NWD2: variants seen among roughly 807,000 people sequenced by gnomAD.
The protein encoded by NWD2 is NACHT and WD repeat domain-containing protein 2.
In NWD2, 37 loss-of-function variants were observed where a neutral mutation model predicts 132.7. That is an observed-to-expected ratio of 0.28 (90% CI 0.21 to 0.37). NWD2 has a LOEUF of 0.37. Ranked by LOEUF, NWD2 falls within the 10% of genes least tolerant of loss-of-function variation. NWD2 has a pLI of 1.00. For synonymous variants in NWD2, 705 were observed against 803.0 expected (o/e 0.88, Z 2.06); for missense variants, 1,592 against 2,122.4 (o/e 0.75, Z 4.91).
Position 37,445,483 on chromosome 4 carries a change from T to G in NWD2, c.3495T>G (p.Ser1165Arg). The change falls in exon 7 of 7, where the codon AGT becomes AGG. Residue 1165 changes from serine (S) to arginine (R), a missense_variant. Around this residue, in one of 7 missense-constraint regions of NWD2, gnomAD observed 1,071 missense variants for 1,398.0 expected, o/e 0.77. Transcript: ENST00000309447. The surrounding 1 kb of genome is among the most constrained non-coding windows in gnomAD (Gnocchi z 4.7). ...QEMVMVDSEG[S>R]LSVWNTEDIS... is the part of the protein sequence containing the mutation. ...TGGTCATGGTAGACAGTGAAGGAAGTCTTTCTGTTTGGAATACTGAGGACA... is the reference window on the plus strand; with the variant it reads ...TGGTCATGGTAGACAGTGAAGGAAGGCTTTCTGTTTGGAATACTGAGGACA... 1 of 1,551,764 alleles carries G rather than the reference T, an allele frequency of 6.4e-7. No homozygotes were observed. Among genetic ancestry groups the G allele is most frequent in the Non-Finnish European group, 8.7e-7 (1 of 1,147,000 alleles).
Position 37,325,883 on chromosome 4 carries a change from G to A in NWD2, c.152-53G>A, listed in dbSNP as rs922634194. Reference sequence around the variant, plus strand: ...TTTTTAGGTTTTCATTTTTTTGCCAGAAACATATGTGTGGACATACTCACT... The same window carrying A: ...TTTTTAGGTTTTCATTTTTTTGCCAAAAACATATGTGTGGACATACTCACT... On this transcript the variant is annotated intron_variant, in intron 1 of 6. Coordinates refer to ENST00000309447, the MANE Select transcript of NWD2 (RefSeq NM_001144990.2). The A allele has an allele frequency of 2.5e-5, 28 of 1,100,046 alleles. No homozygotes were observed. The South Asian group carries it at 4.1e-4, about 16-fold the overall frequency. The allele number at this position is 1,100,046 out of a possible 1,614,324, so 68.1% of individuals were successfully genotyped here.
intron 1 of NWD2, among the ~76,000 whole-genome samples, chr4:37,296,494 G>A (rs1051529832): frequency 6.6e-6 from 1 of 152,224 alleles, no homozygotes; most frequent in African/African-American, 2.4e-5. Flanking sequence ...TATACACCAC[G>A]GAATACCACT....
At chr4:37,265,719 T>C (rs926022867) in intron 1 of NWD2, among the ~76,000 whole-genome samples, 71 of 152,186 alleles carry the variant, frequency 4.7e-4, no homozygotes, top group African/African-American at 1.6e-3. Context: ...CCTCCTCTTA[T>C]GCTGATCCTT....
At position 37,304,299 on chromosome 4, in the gene NWD2, A is replaced by G. The variant is rs117718492; in HGVS notation, c.152-21637A>G. ...CACCTTCCACAAGGCCCCTCCTCCA[A>G]TACTAGCAATTACAATTTGATATGA... is the stretch of plus-strand genomic sequence containing the variant. On this transcript the variant is annotated intron_variant, in intron 1 of 6. Transcript: ENST00000309447. Among the ~76,000 whole-genome samples the G allele has an allele frequency of 5.8e-4, 89 of 152,246 alleles. 2 individuals carry two copies. In the East Asian group the frequency reaches 0.016, roughly 27 times the overall value.
chr4:37,329,657 A>G (rs2109289488), intron 2 of NWD2, among the ~76,000 whole-genome samples: 1 of 152,318 alleles, frequency 6.6e-6, no homozygotes, highest in Non-Finnish European at 1.5e-5. Flanking sequence ...GTGTGAGTGA[A>G]GGAAATAATT....
intron 1 of NWD2, among the ~76,000 whole-genome samples, chr4:37,287,363 C>T (rs1718256449): frequency 6.6e-6 from 1 of 152,206 alleles, no homozygotes; most frequent in Non-Finnish European, 1.5e-5. Context: ...GCAGCCAGCA[C>T]TGGGACTCAT....
intron 3 of NWD2, among the ~76,000 whole-genome samples, chr4:37,400,009 A>G (rs1324566901): frequency 6.6e-6 from 1 of 152,188 alleles, no homozygotes; most frequent in African/African-American, 2.4e-5. Context: ...TATTTTCTAA[A>G]TCAGTAAGTA....
intron 3 of NWD2, among the ~76,000 whole-genome samples, chr4:37,376,046 A>G (rs1720343872): frequency 6.6e-6 from 1 of 152,170 alleles, no homozygotes; most frequent in African/African-American, 2.4e-5. Context: ...TTTTTTAGAC[A>G]TGAAGGTCAT....
rs1712705835 is a variant in NWD2 at position 37,448,636 on chromosome 4, A to G, written c.*1419A>G. 2 of 152,216 alleles carry G rather than the reference A, an allele frequency of 1.3e-5. No individual in the cohort carries two copies. Among genetic ancestry groups the G allele is most frequent in the Admixed American group, 6.5e-5 (1 of 15,288 alleles). The allele number at this position is 152,216 out of a possible 1,614,324, so 9.4% of individuals were successfully genotyped here. Reference sequence around the variant, plus strand: ...TAGTTTTCTTAGAAAGTAGAGAAGTAACACTTTACTAGAATAATGAACAAG... The same window carrying G: ...TAGTTTTCTTAGAAAGTAGAGAAGTGACACTTTACTAGAATAATGAACAAG... On this transcript the variant is annotated 3_prime_UTR_variant, in exon 7 of 7. Coordinates refer to ENST00000309447, the MANE Select transcript of NWD2 (RefSeq NM_001144990.2).
Position 37,356,354 on chromosome 4 carries a change from A to G in NWD2, c.241-12A>G, listed in dbSNP as rs567363588. 6 of 1,428,738 alleles carry G rather than the reference A, an allele frequency of 4.2e-6. No homozygotes were observed. The highest frequency in any genetic ancestry group is 2.5e-5 in the East Asian group (1 of 39,722). The allele number at this position is 1,428,738 out of a possible 1,614,324, so 88.5% of individuals were successfully genotyped here. On this transcript the variant is annotated splice_polypyrimidine_tract_variant and intron_variant, in intron 2 of 6. Coordinates refer to ENST00000309447, the MANE Select transcript of NWD2 (RefSeq NM_001144990.2). The stretch of plus-strand genomic sequence containing the variant: ...ACATGTAAACTAATGCTCTTCATCC[A>G]TCTGTCCCCAGGTCATAGATCTGTA...
intron 3 of NWD2, among the ~76,000 whole-genome samples, chr4:37,379,839 CA>C (rs1720417954): frequency 1.3e-5 from 2 of 152,156 alleles, no homozygotes; most frequent in Non-Finnish European, 2.9e-5. Flanking sequence ...ATTTCCATCC[CA>C]CCCGCAGAGG....
At chr4:37,406,050 A>G (rs1386483222) in intron 3 of NWD2, among the ~76,000 whole-genome samples, 1 of 140,768 alleles carries the variant, frequency 7.1e-6, no homozygotes, top group Non-Finnish European at 1.6e-5. Context: ...AATTCTCTGA[A>G]GATTTTTTAA....
chr4:37,255,281 T>C (rs186652186), intron 1 of NWD2, among the ~76,000 whole-genome samples: 1 of 152,306 alleles, frequency 6.6e-6, no homozygotes, highest in African/African-American at 2.4e-5. Context: ...GATATCCCGG[T>C]GTGGCATGAG....
At chr4:37,277,708 A>G (rs1294115867) in intron 1 of NWD2, among the ~76,000 whole-genome samples, 3 of 152,094 alleles carry the variant, frequency 2.0e-5, no homozygotes, top group Non-Finnish European at 4.4e-5. Flanking sequence ...TATCAGGGAT[A>G]TTAGAGACAG....
chr4:37,277,684 T>C (rs1213643162), intron 1 of NWD2, among the ~76,000 whole-genome samples: 6 of 152,100 alleles, frequency 3.9e-5, no homozygotes, highest in Non-Finnish European at 8.8e-5. Context: ...TAACAACTTC[T>C]TTCAAGTCTT....
chr4:37,397,012 G>A (rs1158492791), intron 3 of NWD2, among the ~76,000 whole-genome samples: 1 of 142,222 alleles, frequency 7.0e-6, no homozygotes, highest in Non-Finnish European at 1.5e-5. Context: ...CAGCCTGGGT[G>A]ACAAGAGTGA....
intron 2 of NWD2, among the ~76,000 whole-genome samples, chr4:37,344,193 G>T (rs1719585476): frequency 6.6e-6 from 1 of 152,136 alleles, no homozygotes; most frequent in Non-Finnish European, 1.5e-5. Context: ...ATCTTGTCTT[G>T]TTGAGCACTT....
intron 2 of NWD2, among the ~76,000 whole-genome samples, chr4:37,347,133 T>C (rs1394144718): frequency 2.0e-5 from 3 of 152,130 alleles, no homozygotes; most frequent in African/African-American, 7.2e-5. Context: ...TAAATTTTTT[T>C]GTATGATTGA....
intron 2 of NWD2, among the ~76,000 whole-genome samples, chr4:37,339,002 G>T (rs921405620): frequency 9.2e-5 from 14 of 152,132 alleles, no homozygotes; most frequent in African/African-American, 3.4e-4. Context: ...TTAATCAAAT[G>T]GATGCTGCTT....
Sources: allele counts gnomAD v4.1 joint callset (sites outside exome capture counted in the v4.1 genomes callset), GRCh38; gene constraint gnomAD v4.1.1; regional missense constraint gnomAD v4.1.1; non-coding constraint Gnocchi (gnomAD v3.1); transcripts MANE v1.5; gene names NCBI Gene and HGNC (gene_info 2026-07-23, HGNC 2026-07-21).